The following HMOX2 variants were observed in gnomAD, a reference collection of about 807,000 sequenced individuals.
The protein encoded by HMOX2 is heme oxygenase (decycling) 2.
Under a neutral mutation model 33.7 loss-of-function variants are expected in HMOX2, and 30 were observed. That is an observed-to-expected ratio of 0.89 (90% confidence interval 0.67 to 1.21). The LOEUF is 1.21. Among genes scored for constraint, HMOX2 ranks in the 50% most tolerant of loss-of-function variants. The pLI, the probability that HMOX2 is intolerant of heterozygous loss-of-function variation, is 0.00. For missense variants in HMOX2, 403 were observed against 399.1 expected (o/e 1.01, Z -0.08); for synonymous variants, 155 against 155.0 (o/e 1.00, Z 0.00).
chr16:4,482,199 A>G (rs1276408751), intron 1 of HMOX2, among the ~76,000 whole-genome samples: 2 of 152,236 alleles, frequency 1.3e-5, no homozygotes, highest in East Asian at 1.9e-4. Flanking sequence ...TCAGTGTCAT[A>G]TTTGTCCTGC....
At chr16:4,482,624 C>A (rs981910918) in intron 1 of HMOX2, among the ~76,000 whole-genome samples, 1 of 152,154 alleles carries the variant, frequency 6.6e-6, no homozygotes, top group East Asian at 1.9e-4. Flanking sequence ...AGCTATAAAT[C>A]GAAAGTTCTG....
intron 1 of HMOX2, among the ~76,000 whole-genome samples, chr16:4,487,101 T>A (rs531207274): frequency 3.3e-5 from 5 of 151,874 alleles, no homozygotes; most frequent in African/African-American, 9.7e-5. Flanking sequence ...TACAAAAAAA[T>A]TTTTAAAATT....
intron 3 of HMOX2, 93 bp downstream of exon 3, chr16:4,507,105 G>A: frequency 1.3e-6 from 1 of 793,450 alleles, no homozygotes; most frequent in Non-Finnish European, 2.2e-6. Context: ...CCACTCTGAG[G>A]GAAAAGCTGG....
At chr16:4,507,612 T>G in intron 3 of HMOX2, 101 bp from the exon 4 acceptor site, 3 of 1,211,032 alleles carry the variant, frequency 2.5e-6, no homozygotes, top group Non-Finnish European at 3.5e-6. Flanking sequence ...GACCATAGGA[T>G]TGGGTCTTTG....
chr16:4,499,130 G>T (rs1255063155), intron 1 of HMOX2, among the ~76,000 whole-genome samples: 1 of 152,302 alleles, frequency 6.6e-6, no homozygotes, highest in East Asian at 1.9e-4. Flanking sequence ...TGGATTTCTT[G>T]TTCTTCCTCA....
intron 1 of HMOX2, among the ~76,000 whole-genome samples, chr16:4,500,296 G>A (rs1308094620): frequency 6.6e-6 from 1 of 152,208 alleles, no homozygotes; most frequent in Non-Finnish European, 1.5e-5. Context: ...CCAACTGCAA[G>A]GTGTTCAGCA....
Position 4,504,354 on chromosome 16 carries a change from ATTTTTTTTTTTTT to A in HMOX2, c.-41-1118_-41-1106del, listed in dbSNP as rs34314976. Among the ~76,000 whole-genome samples, 686 of 72,950 alleles carry A rather than the reference ATTTTTTTTTTTTT, an allele frequency of 9.4e-3. 11 individuals carry two copies. Among genetic ancestry groups the A allele is most frequent in the Non-Finnish European group, 9.0e-3 (336 of 37,370 alleles). 47.9% of individuals were successfully genotyped at this position (72,950 alleles called of 152,430 possible). ...TTTTCTTTGTTTTTGGTAACTTTCA[ATTTTTTTTTTTTT>A]TTTTTTTTTTTGGACAGAGTTTCAC... On this transcript the variant is annotated intron_variant, in intron 1 of 5. Coordinates refer to ENST00000570646, the MANE Select transcript of HMOX2 (RefSeq NM_002134.4).
chr16:4,509,617 G>C lies in HMOX2; in HGVS notation c.824-12G>C. ...CACTGATGCCATGTCTCCTATTGGT[G>C]CTGCCACACAGGTGCCCTGGAGGGC... On this transcript the variant is annotated splice_polypyrimidine_tract_variant and intron_variant, in intron 5 of 5. Transcript: ENST00000570646. The C allele has an allele frequency of 6.2e-7, 1 of 1,613,438 alleles. No individual in the cohort carries two copies. Among genetic ancestry groups the C allele is most frequent in the East Asian group, 2.2e-5 (1 of 44,868 alleles).
chr16:4,485,001 T>C (rs1372223322), intron 1 of HMOX2, among the ~76,000 whole-genome samples: 1 of 151,968 alleles, frequency 6.6e-6, no homozygotes, highest in Non-Finnish European at 1.5e-5. Context: ...CATCTCACTC[T>C]GTCACCGAGG....
At chr16:4,502,232 G>A (rs1202323490) in intron 1 of HMOX2, among the ~76,000 whole-genome samples, 1 of 152,102 alleles carries the variant, frequency 6.6e-6, no homozygotes, top group Admixed American at 6.6e-5. Flanking sequence ...GCTCCTTTTT[G>A]TATTTTTCGG....
intron 2 of HMOX2, among the ~76,000 whole-genome samples, chr16:4,505,814 G>A (rs2058677315): frequency 6.6e-6 from 1 of 152,226 alleles, no homozygotes; most frequent in Non-Finnish European, 1.5e-5. Flanking sequence ...TCTCATCCAA[G>A]GAGGCAGGGC....
chr16:4,479,982 G>A (rs1047411051), intron 1 of HMOX2, among the ~76,000 whole-genome samples: 3 of 150,674 alleles, frequency 2.0e-5, no homozygotes, highest in East Asian at 2.0e-4. Context: ...CAGGTGATCC[G>A]TCCACCTTGG....
At chr16:4,502,256 CTTG>C (rs2058577815) in intron 1 of HMOX2, among the ~76,000 whole-genome samples, 1 of 152,096 alleles carries the variant, frequency 6.6e-6, no homozygotes, top group Admixed American at 6.6e-5. Context: ...AGCACAAGGA[CTTG>C]TTGTTTAATT....
chr16:4,492,794 T>C (rs936110521), intron 1 of HMOX2, among the ~76,000 whole-genome samples: 2 of 152,018 alleles, frequency 1.3e-5, no homozygotes, highest in Admixed American at 6.6e-5. Flanking sequence ...TCCAACACTT[T>C]GGGAGGCCGA....
intron 1 of HMOX2, among the ~76,000 whole-genome samples, chr16:4,491,596 G>T (rs1208722205): frequency 6.6e-6 from 1 of 151,988 alleles, no homozygotes; most frequent in African/African-American, 2.4e-5. Flanking sequence ...AGGCTGCAGT[G>T]GGCCGAGATT....
At chr16:4,503,470 AGT>A (rs1280401129) in intron 1 of HMOX2, among the ~76,000 whole-genome samples, 2 of 152,164 alleles carry the variant, frequency 1.3e-5, no homozygotes, top group Admixed American at 6.5e-5. Context: ...TGCAGAGTAG[AGT>A]GTCTCTGATT....
chr16:4,505,661 G>C (rs769054488), intron 2 of HMOX2, 51 bp downstream of exon 2: 21 of 1,300,292 alleles, frequency 1.6e-5, no homozygotes, highest in Non-Finnish European at 2.1e-5. Flanking sequence ...AGCACCTGTC[G>C]TGCTCAGCAC....
chr16:4,510,194 G>C lies in HMOX2; in HGVS notation c.*438G>C, dbSNP rs2058802657. 5.5e-6 allele frequency: 1 copy of C among 181,578 alleles called. No individual in the cohort carries two copies. The highest frequency in any genetic ancestry group is 1.4e-4 in the South Asian group (1 of 7,278). The allele number at this position is 181,578 out of a possible 1,614,324, so 11.2% of individuals were successfully genotyped here. The stretch of plus-strand genomic sequence containing the variant: ...TCTCTTGGACCCTGGGAGTGAGGGT[G>C]GGTGTGGGTGGAAGCCTCAGAGGCC... On this transcript the variant is annotated 3_prime_UTR_variant, in exon 6 of 6. Transcript: ENST00000570646.
chr16:4,478,248 C>T (rs2057923295), intron 1 of HMOX2, among the ~76,000 whole-genome samples: 1 of 152,166 alleles, frequency 6.6e-6, no homozygotes, highest in Non-Finnish European at 1.5e-5. Context: ...ATGCCAGTGC[C>T]AGTGAGTTAC....
Sources: allele counts gnomAD v4.1 joint callset (sites outside exome capture counted in the v4.1 genomes callset), GRCh38; gene constraint gnomAD v4.1.1; transcripts MANE v1.5; gene names NCBI Gene and HGNC (gene_info 2026-07-23, HGNC 2026-07-21).